The following DGKE variants were observed in gnomAD, a reference collection of about 807,000 sequenced individuals.
DGKE encodes the protein DAG kinase epsilon.
A neutral mutation model predicts 70.0 loss-of-function variants in DGKE; 53 were observed. That is an observed-to-expected ratio of 0.76 (90% CI 0.61 to 0.95). DGKE has a LOEUF of 0.95. Among genes scored for constraint, DGKE ranks in the 40% least tolerant of loss-of-function variants. DGKE has a pLI of 0.00. For synonymous variants in DGKE, 291 were observed against 257.0 expected (o/e 1.13, Z -1.27); for missense variants, 655 against 706.9 (o/e 0.93, Z 0.83).
intron 2 of DGKE, among the ~76,000 whole-genome samples, chr17:56,837,215 T>G (rs975121045): frequency 4.0e-5 from 6 of 148,724 alleles, no homozygotes; most frequent in East Asian, 3.9e-4. Context: ...CGTTTTTTTG[T>G]TTTTTTTTTC....
intron 7 of DGKE, among the ~76,000 whole-genome samples, chr17:56,849,967 G>A (rs1907548711): frequency 6.6e-6 from 1 of 152,118 alleles, no homozygotes; most frequent in African/African-American, 2.4e-5. Flanking sequence ...CTGGGGAGGG[G>A]GCAGGGGGAG....
At position 56,834,790 on chromosome 17, in the gene DGKE, G is replaced by A. The variant is rs375950944; in HGVS notation, c.-6G>A. 9.2e-5 allele frequency: 147 copies of A among 1,595,822 alleles called. No individual in the cohort carries two copies. The highest frequency in any genetic ancestry group is 4.4e-4 in the Middle Eastern group (2 of 4,504). Reference sequence around the variant, plus strand: ...CTTTTCTGGTTAGGTATCGTCCTTGGAGAAGATGGAAGCGGAGAGGCGGCC... The same window carrying A: ...CTTTTCTGGTTAGGTATCGTCCTTGAAGAAGATGGAAGCGGAGAGGCGGCC... On this transcript the variant is annotated 5_prime_UTR_variant, in exon 2 of 12. Transcript: ENST00000284061.
intron 3 of DGKE, among the ~76,000 whole-genome samples, chr17:56,845,190 A>G (rs1490334537): frequency 1.3e-5 from 2 of 152,176 alleles, no homozygotes; most frequent in African/African-American, 4.8e-5. Flanking sequence ...ACTTTGAGCT[A>G]TTAGAAGTCC....
intron 7 of DGKE, among the ~76,000 whole-genome samples, chr17:56,851,265 C>T (rs908095150): frequency 1.3e-5 from 2 of 152,146 alleles, no homozygotes; most frequent in Non-Finnish European, 2.9e-5. Flanking sequence ...CCCCTTTCCC[C>T]AACTTCACAT....
intron 7 of DGKE, among the ~76,000 whole-genome samples, chr17:56,849,836 A>G (rs932392892): frequency 9.9e-5 from 15 of 152,238 alleles, no homozygotes; most frequent in Non-Finnish European, 2.2e-4. Context: ...TGGGCATATC[A>G]ATCTAAAAGT....
chr17:56,839,169 A>C (rs757993863), intron 2 of DGKE, among the ~76,000 whole-genome samples: 2 of 152,202 alleles, frequency 1.3e-5, no homozygotes, highest in Non-Finnish European at 2.9e-5. Context: ...TTTACTTTCA[A>C]ATGATCAAAA....
chr17:56,842,070 A>G (rs1907017397), intron 2 of DGKE, among the ~76,000 whole-genome samples: 1 of 152,236 alleles, frequency 6.6e-6, no homozygotes, highest in Non-Finnish European at 1.5e-5. Context: ...AAAAATTGAT[A>G]TACAAAAAAG....
chr17:56,852,412 C>CAAA (rs11422991), intron 7 of DGKE, among the ~76,000 whole-genome samples: 1 of 141,746 alleles, frequency 7.1e-6, no homozygotes. Flanking sequence ...GACTCTGTCT[C>CAAA]AAAAAAAAAA....
intron 9 of DGKE, among the ~76,000 whole-genome samples, chr17:56,859,185 C>T (rs1030847823): frequency 6.7e-6 from 1 of 150,156 alleles, no homozygotes. Context: ...ATTAGCCAGG[C>T]GTGGTGGCGG....
chr17:56,845,542 T>G (rs1907228574), intron 3 of DGKE, 148 bp from the exon 4 acceptor site: 2 of 803,880 alleles, frequency 2.5e-6, no homozygotes, highest in South Asian at 5.5e-5. Context: ...CCTTCCATTC[T>G]TAGAATTCTT....
chr17:56,849,245 TG>T lies in DGKE; in HGVS notation c.1098+14del. On this transcript the variant is annotated intron_variant, in intron 7 of 11. Transcript: ENST00000284061. ...AAGAAAACCCAAGGTATGTTGTTAG[TG>T]CCTCAGTTGCAAGTGGTTTCAGCTT... The T allele has an allele frequency of 6.2e-7, 1 of 1,608,144 alleles. No individual in the cohort carries two copies. Among genetic ancestry groups the T allele is most frequent in the Non-Finnish European group, 8.5e-7 (1 of 1,177,944 alleles).
chr17:56,854,980 C>G (rs956319168), intron 7 of DGKE, among the ~76,000 whole-genome samples: 3 of 152,152 alleles, frequency 2.0e-5, no homozygotes, highest in Non-Finnish European at 4.4e-5. Context: ...TCTATACATT[C>G]AAGCAAGTGT....
intron 9 of DGKE, among the ~76,000 whole-genome samples, chr17:56,859,396 A>G (rs1244402246): frequency 1.3e-5 from 2 of 152,036 alleles, no homozygotes; most frequent in Non-Finnish European, 2.9e-5. Context: ...GCTTATTGCA[A>G]CAGCATCTCT....
At chr17:56,843,082 G>A (rs1374733810) in intron 2 of DGKE, among the ~76,000 whole-genome samples, 1 of 152,104 alleles carries the variant, frequency 6.6e-6, no homozygotes, top group Non-Finnish European at 1.5e-5. Flanking sequence ...ATGTCAGTGG[G>A]GCATTTAAAC....
intron 8 of DGKE, among the ~76,000 whole-genome samples, chr17:56,857,153 T>A (rs1908001512): frequency 6.6e-6 from 1 of 152,216 alleles, no homozygotes. Flanking sequence ...ACAAATTTTT[T>A]AAATTCAAAT....
chr17:56,840,566 G>A (rs1906913405), intron 2 of DGKE, among the ~76,000 whole-genome samples: 1 of 152,132 alleles, frequency 6.6e-6, no homozygotes, highest in African/African-American at 2.4e-5. Context: ...TTTCAGGAGA[G>A]ACAGGGTTTC....
At chr17:56,842,391 C>T (rs1163418577) in intron 2 of DGKE, among the ~76,000 whole-genome samples, 1 of 152,128 alleles carries the variant, frequency 6.6e-6, no homozygotes, top group Non-Finnish European at 1.5e-5. Flanking sequence ...TACTTTTCTT[C>T]CCAGAGGAAA....
At chr17:56,845,668 C>A (rs1379041457) in intron 3 of DGKE, 22 bp from the exon 4 acceptor site, 9 of 1,599,452 alleles carry the variant, frequency 5.6e-6, no homozygotes, top group Non-Finnish European at 6.8e-6. Context: ...TAAACCTTTT[C>A]ACTCATGGCA....
chr17:56,857,291 G>A (rs1269465712), intron 8 of DGKE, among the ~76,000 whole-genome samples: 2 of 152,128 alleles, frequency 1.3e-5, no homozygotes, highest in African/African-American at 4.8e-5. Flanking sequence ...AGTCATTAAT[G>A]GAAAAGTAGA....
Sources: gnomAD v4.1 joint callset for allele counts (sites outside exome capture counted in the v4.1 genomes callset) on GRCh38, gnomAD v4.1.1 for gene constraint, MANE v1.5 for transcripts, NCBI Gene and HGNC (gene_info 2026-07-23, HGNC 2026-07-21) for gene names.